The following ADAMTSL1 variants were observed in gnomAD, a reference collection of about 807,000 sequenced individuals.
ADAMTSL1 encodes ADAMTS like 1.
ADAMTSL1 carries 126 observed loss-of-function variants against 201.8 expected under a neutral mutation model. The ratio of observed to expected loss-of-function variants is 0.62; its 90% CI spans 0.54 to 0.72. The LOEUF (loss-of-function observed/expected upper bound fraction) is 0.72. Ranked by LOEUF, ADAMTSL1 falls within the 30% of genes least tolerant of loss-of-function variation. The pLI, the probability that ADAMTSL1 is intolerant of heterozygous loss-of-function variation, is 0.00. For synonymous variants in ADAMTSL1, 1,121 were observed against 903.4 expected, an observed-to-expected ratio of 1.24 and a Z score of -4.32; for missense variants, 2,679 against 2,277.8, an observed-to-expected ratio of 1.18 and a Z score of -3.59.
At chr9:18,249,438 G>C (rs1479393053) in intron 2 of ADAMTSL1, among the ~76,000 whole-genome samples, 2 of 152,096 alleles carry the variant, frequency 1.3e-5, no homozygotes, top group African/African-American at 4.8e-5. Flanking sequence ...ATTACATATA[G>C]AGACATTAAC....
At chr9:18,413,814 GA>G (rs1818556466) in intron 2 of ADAMTSL1, among the ~76,000 whole-genome samples, 1 of 152,160 alleles carries the variant, frequency 6.6e-6, no homozygotes, top group African/African-American at 2.4e-5. Flanking sequence ...CATCATGGCA[GA>G]ATTATTTGAG....
chr9:18,203,757 G>A (rs1829538974), intron 2 of ADAMTSL1, among the ~76,000 whole-genome samples: 1 of 152,048 alleles, frequency 6.6e-6, no homozygotes, highest in Non-Finnish European at 1.5e-5. Flanking sequence ...AGAAATGAAG[G>A]TATGTAAGCC....
Position 18,395,135 on chromosome 9 carries a change from G to C in ADAMTSL1, c.208-109694G>C, listed in dbSNP as rs1383955806. ...TCACTCCTGCTCCCCCTTGTCCTTA[G>C]GCTGTTGCCAGGTGTTTGAGTATTA... is the stretch of plus-strand genomic sequence containing the variant. On this transcript the variant is annotated intron_variant, in intron 2 of 29. Coordinates refer to the ADAMTSL1 transcript ENST00000680146. Among the ~76,000 whole-genome samples, 9 of 152,136 alleles carry C rather than the reference G, an allele frequency of 5.9e-5. No individual in the cohort carries two copies. In the South Asian group the frequency reaches 8.3e-4, roughly 14 times the overall value.
intron 9 of ADAMTSL1, among the ~76,000 whole-genome samples, chr9:18,662,294 A>G (rs776771): frequency 0.3 from 45,161 of 151,986 alleles, 7,050 homozygotes; most frequent in South Asian, 0.47. Context: ...CCCTTTTATA[A>G]AGCAGCAGGT....
chr9:18,481,346 A>G (rs967414108), intron 1 of ADAMTSL1, among the ~76,000 whole-genome samples: 2 of 152,122 alleles, frequency 1.3e-5, no homozygotes, highest in Non-Finnish European at 2.9e-5. Context: ...GGAGTTCGAG[A>G]CCAGCCTGGC....
At chr9:18,234,682 A>G (rs1229720866) in intron 2 of ADAMTSL1, among the ~76,000 whole-genome samples, 1 of 152,176 alleles carries the variant, frequency 6.6e-6, no homozygotes, top group Non-Finnish European at 1.5e-5. Flanking sequence ...GGCAATATGG[A>G]AATTCAACCA....
chr9:18,372,877 G>A (rs1481637057), intron 2 of ADAMTSL1, among the ~76,000 whole-genome samples: 1 of 152,020 alleles, frequency 6.6e-6, no homozygotes, highest in Non-Finnish European at 1.5e-5. Context: ...CACTAAATGG[G>A]ACAAAGCAAC....
At chr9:18,216,871 C>G (rs943350613) in intron 2 of ADAMTSL1, among the ~76,000 whole-genome samples, 1 of 152,110 alleles carries the variant, frequency 6.6e-6, no homozygotes, top group Non-Finnish European at 1.5e-5. Context: ...GCCACACCAG[C>G]TACGTTGAAA....
intron 4 of ADAMTSL1, among the ~76,000 whole-genome samples, chr9:18,588,919 T>TATATATATA (rs1823731378): frequency 1.2e-5 from 1 of 80,792 alleles, no homozygotes; most frequent in Non-Finnish European, 2.8e-5. Flanking sequence ...ATATACACAT[T>TATATATATA]TTTTTTTTGA....
intron 2 of ADAMTSL1, among the ~76,000 whole-genome samples, chr9:18,447,260 G>A (rs147292170): frequency 3.0e-3 from 459 of 152,294 alleles, no homozygotes; most frequent in Non-Finnish European, 4.9e-3. Context: ...GCCAAATGCC[G>A]AATGACAGCC....
intron 2 of ADAMTSL1, among the ~76,000 whole-genome samples, chr9:18,247,069 A>G (rs1831280175): frequency 6.6e-6 from 1 of 152,178 alleles, no homozygotes; most frequent in South Asian, 2.1e-4. Flanking sequence ...AGATTTTATT[A>G]GATTTAGATT....
chr9:18,152,223 G>T (rs1476797259), intron 1 of ADAMTSL1, among the ~76,000 whole-genome samples: 1 of 152,030 alleles, frequency 6.6e-6, no homozygotes, highest in Non-Finnish European at 1.5e-5. Context: ...ACAAGAGCAG[G>T]ACCTCTGTGG....
chr9:18,729,783 G>A (rs1298667697), intron 15 of ADAMTSL1, among the ~76,000 whole-genome samples: 3 of 152,122 alleles, frequency 2.0e-5, no homozygotes, highest in Admixed American at 2.0e-4. Flanking sequence ...AATCTTGGAT[G>A]CCTTAAGTGC....
chr9:18,653,366 T>G (rs1190771762), intron 7 of ADAMTSL1, among the ~76,000 whole-genome samples: 4 of 152,232 alleles, frequency 2.6e-5, no homozygotes, highest in Admixed American at 2.6e-4. Context: ...ATCTCCTTCC[T>G]GACAAATCTT....
At chr9:17,924,275 A>T (rs1363584698) in intron 1 of ADAMTSL1, among the ~76,000 whole-genome samples, 2 of 152,014 alleles carry the variant, frequency 1.3e-5, no homozygotes, top group African/African-American at 4.8e-5. Flanking sequence ...TTGGTTGGTA[A>T]ACTATTGATT....
chr9:18,537,956 G>A (rs1024738384), intron 3 of ADAMTSL1, among the ~76,000 whole-genome samples: 5 of 141,152 alleles, frequency 3.5e-5, no homozygotes, highest in Admixed American at 1.4e-4. Flanking sequence ...GAAGAAGAAG[G>A]AAGAAGAGAA....
At position 18,524,136 on chromosome 9, in the gene ADAMTSL1, T is replaced by A. The variant is rs540129809; in HGVS notation, c.192-9111T>A. 9.9e-5 allele frequency among the ~76,000 whole-genome samples: 15 copies of A among 152,002 alleles called. 2 individuals carry two copies. In the South Asian group the frequency reaches 3.1e-3, roughly 32 times the overall value. On this transcript the variant is annotated intron_variant, in intron 2 of 28. Coordinates refer to ENST00000380548, the MANE Select transcript of ADAMTSL1 (RefSeq NM_001040272.6). ...ATTTCCTCGAGCAGTGGTTTATAGT[T>A]CTCCTTGAAGAGGTCCTTCACATCC...
chr9:18,804,336 G>A (rs1822974702), intron 20 of ADAMTSL1, among the ~76,000 whole-genome samples: 1 of 152,140 alleles, frequency 6.6e-6, no homozygotes, highest in Admixed American at 6.5e-5. Flanking sequence ...TGAAGACAAA[G>A]GGTACAGGGT....
At position 18,817,381 on chromosome 9, in the gene ADAMTSL1, A is replaced by G. The variant is rs1823930743; in HGVS notation, c.3934+144A>G. 4.0e-6 allele frequency: 3 copies of G among 748,630 alleles called. No homozygotes were observed. In the African/African-American group the frequency reaches 5.4e-5, roughly 13 times the overall value. 46.4% of individuals were successfully genotyped at this position (748,630 alleles called of 1,614,324 possible). A position where few individuals can be genotyped will look rare whatever the true frequency, so the allele number is the denominator to read the frequency against. On this transcript the variant is annotated intron_variant, in intron 21 of 28. Transcript: ENST00000380548. ...AAGCATGAACCTCAGTCGCTCTGAA[A>G]GTAGAAAGTGCTACAGAAATTTAGA...
Sources: gnomAD v4.1 joint callset for allele counts (sites outside exome capture counted in the v4.1 genomes callset) on GRCh38, gnomAD v4.1.1 for gene constraint, MANE v1.5 for transcripts, NCBI Gene and HGNC (gene_info 2026-07-23, HGNC 2026-07-21) for gene names.